Variants in PLCH1 observed in about 807,000 individuals in gnomAD.
The protein encoded by PLCH1 is 1-phosphatidylinositol 4,5-bisphosphate phosphodiesterase eta-1.
In PLCH1, 60 loss-of-function variants were observed where a neutral mutation model predicts 126.7. The observed-to-expected ratio is 0.47, with a 90% CI of 0.38 to 0.59. PLCH1 has a LOEUF of 0.59. Among genes scored for constraint, PLCH1 ranks in the 20% least tolerant of loss-of-function variants. The probability of loss-of-function intolerance (pLI) is 0.00; values close to 1 mark genes in which losing one functional copy is unlikely to be tolerated. For missense variants in PLCH1, 1,723 were observed against 2,040.0 expected (o/e 0.84, Z 2.99); for synonymous variants, 719 against 734.9 (o/e 0.98, Z 0.35).
chr3:155,732,877 C>CAAAAA (rs71155063), intron 1 of PLCH1, among the ~76,000 whole-genome samples: 5 of 80,196 alleles, frequency 6.2e-5, no homozygotes, highest in Admixed American at 1.5e-4. Context: ...GACTGCATCT[C>CAAAAA]AAAAAAAAAA....
rs913149321 is a variant in PLCH1, at chr3:155,639,641, C to T, written c.80-43263G>A. On this transcript the variant is annotated intron_variant, in intron 2 of 22. Coordinates refer to ENST00000460012, the MANE Select transcript of PLCH1 (RefSeq NM_014996.4). The stretch of plus-strand genomic sequence containing the variant: ...TTCTTCTGGCAGTCTGCTTTCACAG[C>T]CAGTACTATGCCTGTGGCCATCTCC... 2.0e-5 allele frequency among the ~76,000 whole-genome samples: 3 copies of T among 152,186 alleles called. No individual in the cohort carries two copies. In the South Asian group the frequency reaches 6.2e-4, roughly 32 times the overall value.
chr3:155,742,719 T>A (rs1472707612), intron 1 of PLCH1: 1 of 152,236 alleles, frequency 6.6e-6, no homozygotes, highest in Non-Finnish European at 1.5e-5. Context: ...GTTGGACTTA[T>A]TTTTAAACAT....
intron 1 of PLCH1, among the ~76,000 whole-genome samples, chr3:155,717,620 A>C (rs1321324738): frequency 6.6e-6 from 1 of 152,188 alleles, no homozygotes; most frequent in Non-Finnish European, 1.5e-5. Context: ...AGGCTCTTTG[A>C]GCAGAGGCTA....
chr3:155,687,556 T>C (rs905915396), intron 2 of PLCH1, among the ~76,000 whole-genome samples: 4 of 152,192 alleles, frequency 2.6e-5, no homozygotes, highest in Non-Finnish European at 5.9e-5. Flanking sequence ...CTGATTTATA[T>C]AATTTAGGAG....
intron 9 of PLCH1, among the ~76,000 whole-genome samples, chr3:155,552,849 T>C (rs927766047): frequency 4.6e-5 from 7 of 152,140 alleles, no homozygotes; most frequent in Non-Finnish European, 1.0e-4. Flanking sequence ...CAGGAGGCAA[T>C]GGAGTCAAAA....
chr3:155,668,003 T>C (rs1372644715), intron 2 of PLCH1, among the ~76,000 whole-genome samples: 2 of 146,920 alleles, frequency 1.4e-5, no homozygotes, highest in African/African-American at 5.1e-5. Flanking sequence ...GATAATTGCT[T>C]GAACCCAGGA....
At chr3:155,542,119 T>G (rs934609083) in intron 10 of PLCH1, among the ~76,000 whole-genome samples, 15 of 152,138 alleles carry the variant, frequency 9.9e-5, no homozygotes, top group African/African-American at 2.9e-4. Flanking sequence ...GTCAGGGAGT[T>G]CCCTTTCCCA....
intron 12 of PLCH1, among the ~76,000 whole-genome samples, chr3:155,513,884 T>TG (rs1325746974): frequency 1.3e-5 from 2 of 152,130 alleles, no homozygotes; most frequent in Non-Finnish European, 2.9e-5. Flanking sequence ...ATGATTAGCT[T>TG]GGGGGTAGGC....
In PLCH1 at chr3:155,672,097, T is replaced by C. The variant is rs1440126296; in HGVS notation, c.79+32049A>G. ...GAAGAAAGCTCTAAATCTTGACTGA[T>C]ATAATAGAAGGACCTAAGAGAAAAC... On this transcript the variant is annotated intron_variant, in intron 2 of 22. Coordinates refer to ENST00000460012, the MANE Select transcript of PLCH1 (RefSeq NM_014996.4). 6.6e-5 allele frequency among the ~76,000 whole-genome samples: 10 copies of C among 152,246 alleles called. No individual in the cohort carries two copies. The South Asian group carries it at 1.9e-3, about 28-fold the overall frequency.
intron 10 of PLCH1, among the ~76,000 whole-genome samples, chr3:155,530,840 A>G (rs1478057142): frequency 6.6e-6 from 1 of 152,250 alleles, no homozygotes; most frequent in Non-Finnish European, 1.5e-5. Context: ...ATAGGCTTAC[A>G]AAGTATATTT....
intron 10 of PLCH1, among the ~76,000 whole-genome samples, chr3:155,538,252 C>T (rs1489086773): frequency 2.0e-5 from 3 of 151,998 alleles, no homozygotes; most frequent in African/African-American, 7.2e-5. Flanking sequence ...CAAAGTGATG[C>T]TAAGAGGAAA....
intron 11 of PLCH1, among the ~76,000 whole-genome samples, chr3:155,523,130 A>G (rs9838902): frequency 0.82 from 124,282 of 151,860 alleles, 50,965 homozygotes; most frequent in East Asian, 0.94. Flanking sequence ...GCCCACCACC[A>G]CGCCCGGCTA....
intron 2 of PLCH1, among the ~76,000 whole-genome samples, chr3:155,643,539 A>G (rs943429464): frequency 6.6e-6 from 1 of 152,224 alleles, no homozygotes; most frequent in Non-Finnish European, 1.5e-5. Flanking sequence ...GAAATAGGTA[A>G]TAAAATTGTC....
At chr3:155,587,352 A>C (rs984340274) in intron 4 of PLCH1, among the ~76,000 whole-genome samples, 5 of 152,202 alleles carry the variant, frequency 3.3e-5, no homozygotes, top group Admixed American at 1.3e-4. Flanking sequence ...TCAGACATTT[A>C]GCAAATTAGA....
intron 10 of PLCH1, among the ~76,000 whole-genome samples, 194 bp from the exon 11 acceptor site, chr3:155,524,198 T>C (rs991265989): frequency 6.6e-6 from 1 of 152,248 alleles, no homozygotes; most frequent in Admixed American, 6.5e-5. Flanking sequence ...GAAGGTATTA[T>C]GCTGATTGAA....
chr3:155,486,079 A>G, intron 21 of PLCH1: 4 of 968,062 alleles, frequency 4.1e-6, no homozygotes, highest in South Asian at 3.1e-5. Context: ...GATATGAAAA[A>G]GCATGCTGCC....
chr3:155,530,172 T>C (rs1245551466), intron 10 of PLCH1, among the ~76,000 whole-genome samples: 2 of 152,236 alleles, frequency 1.3e-5, no homozygotes, highest in Non-Finnish European at 2.9e-5. Flanking sequence ...GTAGAACTTC[T>C]GGCAAAATTG....
At chr3:155,730,859 T>C (rs1347178186) in intron 1 of PLCH1, among the ~76,000 whole-genome samples, 42 of 152,266 alleles carry the variant, frequency 2.8e-4, no homozygotes, top group Non-Finnish European at 1.2e-4. Context: ...AGATACCCTC[T>C]GCTTGGGGGA....
At chr3:155,550,076 G>A in intron 9 of PLCH1, 118 bp from the exon 10 acceptor site, 6 of 614,484 alleles carry the variant, frequency 9.8e-6, no homozygotes, top group Admixed American at 6.7e-5. Flanking sequence ...TTGCGATACT[G>A]ATGATGGTTA....
Sources: allele counts gnomAD v4.1 joint callset (sites outside exome capture counted in the v4.1 genomes callset), GRCh38; gene constraint gnomAD v4.1.1; transcripts MANE v1.5; gene names NCBI Gene and HGNC (gene_info 2026-07-23, HGNC 2026-07-21).